Variants in TDRD9 observed in about 807,000 individuals in gnomAD.
TDRD9 encodes the protein tudor domain containing 9.
Under a neutral mutation model 172.6 loss-of-function variants are expected in TDRD9, and 124 were observed. That is an observed-to-expected ratio of 0.72 (90% CI 0.62 to 0.83). The LOEUF (loss-of-function observed/expected upper bound fraction) is 0.83, where lower values mean the gene tolerates loss of function less well. TDRD9 is among the 40% of genes least tolerant of loss of function. TDRD9 has a pLI of 0.00. For synonymous variants in TDRD9, 619 were observed against 617.1 expected, an observed-to-expected ratio of 1.00 and a Z score of -0.05; for missense variants, 1,479 against 1,714.1, an observed-to-expected ratio of 0.86 and a Z score of 2.42.
intron 7 of TDRD9, among the ~76,000 whole-genome samples, chr14:103,977,525 T>TAAAAAAA (rs1333737292): frequency 1.6e-5 from 2 of 127,926 alleles, no homozygotes; most frequent in African/African-American, 6.0e-5. Context: ...AAAAAAAAAT[T>TAAAAAAA]GGATTGTTTT....
At chr14:104,022,927 C>T (rs925540433) in intron 24 of TDRD9, among the ~76,000 whole-genome samples, 6 of 151,544 alleles carry the variant, frequency 4.0e-5, no homozygotes, top group Admixed American at 3.9e-4. Flanking sequence ...TGCCTGTAAT[C>T]CTTGCATTTT....
At chr14:104,035,745 G>A (rs1211916986) in intron 32 of TDRD9, among the ~76,000 whole-genome samples, 5 of 152,202 alleles carry the variant, frequency 3.3e-5, no homozygotes, top group Non-Finnish European at 5.9e-5. Flanking sequence ...ATTCTGCTGG[G>A]CAGGATGGAA....
intron 28 of TDRD9, among the ~76,000 whole-genome samples, chr14:104,027,637 T>G (rs2035162734): frequency 6.6e-6 from 1 of 152,260 alleles, no homozygotes; most frequent in Non-Finnish European, 1.5e-5. Context: ...GTGTATATAA[T>G]GTATAATGAT....
intron 27 of TDRD9, among the ~76,000 whole-genome samples, chr14:104,026,398 G>A (rs1247385946): frequency 6.6e-6 from 1 of 152,170 alleles, no homozygotes; most frequent in Non-Finnish European, 1.5e-5. Flanking sequence ...TGGTTATGTT[G>A]AAACCAGACA....
intron 1 of TDRD9, among the ~76,000 whole-genome samples, chr14:103,952,190 G>GTATATATATATATA (rs1566734586): frequency 1.1e-4 from 6 of 55,528 alleles, no homozygotes; most frequent in East Asian, 1.2e-3. Flanking sequence ...GCGTGTGTGT[G>GTATATATATATATA]TATATATATA....
rs929865399 is a variant in TDRD9, at chr14:103,966,622, T to A, written c.643-87T>A. On this transcript the variant is annotated intron_variant, in intron 4 of 35. Coordinates refer to ENST00000409874, the MANE Select transcript of TDRD9 (RefSeq NM_153046.3). The stretch of plus-strand genomic sequence containing the variant: ...CTTTCGAAATACCTTAATTTTTCAT[T>A]CCCTTTCTTACCCCCATTATATTAA... 3 of 1,243,664 alleles carry A rather than the reference T, an allele frequency of 2.4e-6. No individual in the cohort carries two copies. In the African/African-American group the frequency reaches 4.5e-5, roughly 19 times the overall value. 77.0% of individuals were successfully genotyped at this position (1,243,664 alleles called of 1,614,324 possible).
chr14:103,979,065 C>T (rs1421820435), intron 7 of TDRD9, among the ~76,000 whole-genome samples: 1 of 152,154 alleles, frequency 6.6e-6, no homozygotes, highest in Admixed American at 6.5e-5. Flanking sequence ...CTACCCTTCC[C>T]AGCCTCTAGT....
intron 2 of TDRD9, among the ~76,000 whole-genome samples, chr14:103,960,015 T>C (rs576911584): frequency 1.3e-5 from 2 of 152,294 alleles, no homozygotes; most frequent in African/African-American, 4.8e-5. Context: ...TTTCTTCTGG[T>C]TTTAAGAGAA....
At chr14:103,983,387 T>C (rs1046696946) in intron 7 of TDRD9, among the ~76,000 whole-genome samples, 4 of 152,000 alleles carry the variant, frequency 2.6e-5, no homozygotes, top group African/African-American at 9.7e-5. Flanking sequence ...TATAAATTAT[T>C]TGGAAACTAG....
Position 104,019,942 on chromosome 14 carries a change from C to G in TDRD9, c.2432+1750C>G, listed in dbSNP as rs1036779633. Among the ~76,000 whole-genome samples the G allele has an allele frequency of 5.3e-5, 8 of 152,284 alleles. No homozygotes were observed. The East Asian group carries it at 5.8e-4, about 11-fold the overall frequency. On this transcript the variant is annotated intron_variant, in intron 23 of 35. Coordinates refer to ENST00000409874, the MANE Select transcript of TDRD9 (RefSeq NM_153046.3). ...TAGACGTCGGAGGGTTGTGAGGCCT[C>G]GGGCTGGTGCAGTGGCCAGTGCAGA...
chr14:103,928,605 C>T lies in TDRD9; in HGVS notation c.96C>T (p.Phe32=). 3 of 1,339,128 alleles carry T rather than the reference C, an allele frequency of 2.2e-6. No homozygotes were observed. The highest frequency in any genetic ancestry group is 3.4e-5 in the South Asian group (2 of 58,394). 83.0% of individuals were successfully genotyped at this position (1,339,128 alleles called of 1,614,324 possible). The change falls in exon 1 of 36, where the codon TTC becomes TTT. Residue 32 remains phenylalanine (F), a synonymous_variant. Transcript: ENST00000409874. The part of the protein sequence containing the change: ...NVELLGAPPA[F]PAGAAREEVQ... Reference sequence around the variant, plus strand: ...AGCTGCTGGGCGCGCCGCCCGCCTTCCCGGCAGGGGCGGCCAGGGAGGAGG... The same window carrying T: ...AGCTGCTGGGCGCGCCGCCCGCCTTTCCGGCAGGGGCGGCCAGGGAGGAGG...
chr14:104,051,873 G>C, intron 35 of TDRD9, 108 bp from the exon 36 acceptor site: 1 of 619,030 alleles, frequency 1.6e-6, no homozygotes, highest in East Asian at 3.0e-5. Context: ...AAATATTTTT[G>C]GAGAACTGAA....
chr14:103,974,141 G>T (rs969977226), intron 6 of TDRD9, among the ~76,000 whole-genome samples: 2 of 152,224 alleles, frequency 1.3e-5, no homozygotes, highest in Non-Finnish European at 2.9e-5. Context: ...GGCTGAGGTT[G>T]CAGTGAGCTG....
Position 104,005,207 on chromosome 14 carries a change from G to A in TDRD9, c.1582-67G>A, listed in dbSNP as rs1488791914. On this transcript the variant is annotated intron_variant, in intron 14 of 35. Coordinates refer to ENST00000409874, the MANE Select transcript of TDRD9 (RefSeq NM_153046.3). ...CCTCCTCTTTCCCTCTGAAGCACTG[G>A]TTATGTGAATCGGCTAACTGATTTA... 10 of 1,551,856 alleles carry A rather than the reference G, an allele frequency of 6.4e-6. No individual in the cohort carries two copies. In the East Asian group the frequency reaches 2.3e-4, roughly 35 times the overall value.
chr14:104,005,523 TAACTCTGTTCCTCCTGCCTCACTTTCCC>T (rs1481530633), intron 15 of TDRD9, 118 bp downstream of exon 15: 8 of 1,072,722 alleles, frequency 7.5e-6, no homozygotes, highest in Admixed American at 4.4e-5. Context: ...ACTTTCCCGC[TAACTCTGTTCCTCCTGCCTCACTTTCCC>T]GCTAACTCTG....
chr14:104,008,468 TA>T lies in TDRD9; in HGVS notation c.2106+4del. The stretch of plus-strand genomic sequence containing the variant: ...ATTCAAATCAAGAGAATTAGAGAGG[TA>T]AGTTAAGTTTTTTGACCAAATGGAT... On this transcript the variant is annotated splice_donor_region_variant and intron_variant, in intron 20 of 35. Coordinates refer to ENST00000409874, the MANE Select transcript of TDRD9 (RefSeq NM_153046.3). 6.4e-7 allele frequency: 1 copy of T among 1,557,876 alleles called. No homozygotes were observed. Among genetic ancestry groups the T allele is most frequent in the Non-Finnish European group, 8.8e-7 (1 of 1,132,846 alleles).
At chr14:104,011,858 T>C (rs968440041) in intron 20 of TDRD9, among the ~76,000 whole-genome samples, 2 of 152,148 alleles carry the variant, frequency 1.3e-5, no homozygotes, top group African/African-American at 2.4e-5. Context: ...AAAGCTGTTA[T>C]GCTTATGCTT....
At chr14:103,952,329 C>T (rs558630886) in intron 1 of TDRD9, among the ~76,000 whole-genome samples, 2 of 141,686 alleles carry the variant, frequency 1.4e-5, no homozygotes, top group South Asian at 4.5e-4. Flanking sequence ...CAAGCTCCGC[C>T]TCCCGGGTTC....
intron 7 of TDRD9, among the ~76,000 whole-genome samples, chr14:103,977,308 G>C (rs1187433187): frequency 6.6e-6 from 1 of 151,678 alleles, no homozygotes; most frequent in Non-Finnish European, 1.5e-5. Context: ...TGGCTAACAC[G>C]GTGAAACCCC....
Sources: allele counts gnomAD v4.1 joint callset (sites outside exome capture counted in the v4.1 genomes callset), GRCh38; gene constraint gnomAD v4.1.1; transcripts MANE v1.5; gene names NCBI Gene and HGNC (gene_info 2026-07-23, HGNC 2026-07-21).